FCF1: variants seen among roughly 807,000 people sequenced by gnomAD.
FCF1 encodes FCF1 rRNA-processing protein.
FCF1 carries 17 observed loss-of-function variants against 32.5 expected under a neutral mutation model. The ratio of observed to expected loss-of-function variants is 0.52; its 90% CI spans 0.36 to 0.78. FCF1 has a LOEUF of 0.78. Ranked by LOEUF, FCF1 falls within the 30% of genes least tolerant of loss-of-function variation. The pLI, the probability that FCF1 is intolerant of heterozygous loss-of-function variation, is 0.00. For synonymous variants in FCF1, 84 were observed against 78.4 expected, an observed-to-expected ratio of 1.07 and a Z score of -0.38; for missense variants, 201 against 241.1, an observed-to-expected ratio of 0.83 and a Z score of 1.10.
At chr14:74,716,352 T>C (rs2090420080) in intron 4 of FCF1, among the ~76,000 whole-genome samples, 2 of 152,208 alleles carry the variant, frequency 1.3e-5, no homozygotes, top group South Asian at 4.1e-4. Context: ...ATTTTGAACA[T>C]AGGGGAATTT....
chr14:74,716,901 A>G (rs2140019932), intron 4 of FCF1, among the ~76,000 whole-genome samples: 1 of 152,372 alleles, frequency 6.6e-6, no homozygotes, highest in African/African-American at 2.4e-5. Flanking sequence ...CTATATAATG[A>G]ACAACAGTTG....
At chr14:74,730,206 CTTTTTTTTTTT>C (rs869067896) in intron 5 of FCF1, among the ~76,000 whole-genome samples, 1,484 of 109,402 alleles carry the variant, frequency 0.014, 40 homozygotes, top group African/African-American at 0.049. Flanking sequence ...TGTGTATATG[CTTTTTTTTTTT>C]TTTTTTTTTT....
intron 4 of FCF1, among the ~76,000 whole-genome samples, chr14:74,719,357 G>A (rs147958496): frequency 7.7e-4 from 117 of 151,964 alleles, no homozygotes; most frequent in South Asian, 7.5e-3. Context: ...TCTTCACCCC[G>A]TAGTCCCAGC....
In FCF1 at chr14:74,736,156, C is replaced by G. The variant is rs1292862602; in HGVS notation, c.*1226C>G. ...AGGCATGGTGGCTCATTCCTGTAAT[C>G]CCAGCACTTTGGGAGGCCAAGGTGG... On this transcript the variant is annotated 3_prime_UTR_variant, in exon 8 of 8. Coordinates refer to ENST00000341162, the MANE Select transcript of FCF1 (RefSeq NM_015962.5). 1 of 152,210 alleles carries G rather than the reference C, an allele frequency of 6.6e-6. No homozygotes were observed. Among genetic ancestry groups the G allele is most frequent in the East Asian group, 1.9e-4 (1 of 5,178 alleles). 9.4% of individuals were successfully genotyped at this position (152,210 alleles called of 1,614,324 possible).
Position 74,713,177 on chromosome 14 carries a change from A to T in FCF1, c.-21A>T. On this transcript the variant is annotated 5_prime_UTR_variant, in exon 1 of 8. Coordinates refer to ENST00000341162, the MANE Select transcript of FCF1 (RefSeq NM_015962.5). The stretch of plus-strand genomic sequence containing the variant: ...ATTGCGCCGTTGGTGATTACGGAAG[A>T]ACCAGGAGTTTGGCGTGACCATGGT... The T allele has an allele frequency of 6.2e-7, 1 of 1,614,226 alleles. No individual in the cohort carries two copies. The highest frequency in any genetic ancestry group is 8.5e-7 in the Non-Finnish European group (1 of 1,180,040).
Position 74,736,838 on chromosome 14 carries a change from CATT to C in FCF1, c.*1911_*1913del, listed in dbSNP as rs2090712548. 6.6e-6 allele frequency: 1 copy of C among 152,022 alleles called. No individual in the cohort carries two copies. Among genetic ancestry groups the C allele is most frequent in the Admixed American group, 6.6e-5 (1 of 15,260 alleles). 9.4% of individuals were successfully genotyped at this position (152,022 alleles called of 1,614,324 possible). On this transcript the variant is annotated 3_prime_UTR_variant, in exon 8 of 8. Coordinates refer to ENST00000341162, the MANE Select transcript of FCF1 (RefSeq NM_015962.5). ...GAGATGGTCCTGCCCTCAAGACACT[CATT>C]ATGGTGGGAAAGAAAAACATGTAAA... is the stretch of plus-strand genomic sequence containing the variant.
rs147049900 is a variant in FCF1 at position 74,736,750 on chromosome 14, G to A, written c.*1820G>A. On this transcript the variant is annotated 3_prime_UTR_variant, in exon 8 of 8. Transcript: ENST00000341162. ...TGATGATTGCTCACATAATTTGGCG[G>A]TCATTGTTTTATACTGACTTACTCA... The A allele has an allele frequency of 2.8e-4, 42 of 152,118 alleles. No individual in the cohort carries two copies. The highest frequency in any genetic ancestry group is 9.2e-4 in the African/African-American group (38 of 41,492). The allele number at this position is 152,118 out of a possible 1,614,324, so 9.4% of individuals were successfully genotyped here.
intron 5 of FCF1, among the ~76,000 whole-genome samples, chr14:74,732,285 T>C (rs750290286): frequency 2.0e-5 from 3 of 152,330 alleles, no homozygotes; most frequent in Admixed American, 6.5e-5. Flanking sequence ...GGTTTAACTT[T>C]TACCTTTCTA....
intron 4 of FCF1, among the ~76,000 whole-genome samples, chr14:74,717,876 T>A (rs1253620442): frequency 6.6e-6 from 1 of 152,156 alleles, no homozygotes; most frequent in Non-Finnish European, 1.5e-5. Context: ...TCTTTAAATA[T>A]GTATACTTTT....
chr14:74,713,222 A>T, intron 1 of FCF1, 22 bp downstream of exon 1: 1 of 1,614,240 alleles, frequency 6.2e-7, no homozygotes, highest in Admixed American at 1.7e-5. Context: ...CGGTCCAAGA[A>T]GGGACGTTAT....
intron 4 of FCF1, among the ~76,000 whole-genome samples, chr14:74,720,948 A>G (rs1234246116): frequency 6.8e-6 from 1 of 146,326 alleles, no homozygotes; most frequent in African/African-American, 2.5e-5. Context: ...GTGTAATCTC[A>G]GCTCACTACA....
rs112913112 is a variant in FCF1 at position 74,716,036 on chromosome 14, A to C, written c.229A>C (p.Asn77His). The change falls in exon 4 of 8, where the codon AAC (asparagine) becomes CAC (histidine). Residue 77 changes from asparagine to histidine, a missense_variant. Physicochemically the swap from Asn to His is moderately conservative, Grantham distance 68 (BLOSUM62 1). Transcript: ENST00000341162. ...CATCCTCGTTGATACCAACTTTATC[A>C]ACTTTTCCATAAAAGCCAAACTGGA... is the stretch of plus-strand genomic sequence containing the variant. Reference protein sequence around the residue: ...YHILVDTNFINFSIKAKLDLV... With the variant: ...YHILVDTNFIHFSIKAKLDLV... The C allele has an allele frequency of 5.0e-6, 8 of 1,613,910 alleles. No homozygotes were observed. The Admixed American group carries it at 1.3e-4, about 27-fold the overall frequency.
chr14:74,719,387 G>A (rs1379134687), intron 4 of FCF1, among the ~76,000 whole-genome samples: 3 of 151,842 alleles, frequency 2.0e-5, no homozygotes, highest in African/African-American at 7.3e-5. Context: ...GGCCGAGGTG[G>A]GAGGAGTTCT....
intron 4 of FCF1, among the ~76,000 whole-genome samples, chr14:74,720,875 G>GTTTTTT (rs1259312948): frequency 7.2e-6 from 1 of 139,142 alleles, no homozygotes; most frequent in African/African-American, 2.9e-5. Context: ...AGTTTTTGGG[G>GTTTTTT]TTTGTTTTTT....
rs1198517236 is a variant in FCF1, at chr14:74,715,952, C to T, written c.145C>T (p.Pro49Ser). The T allele has an allele frequency of 3.1e-6, 5 of 1,613,574 alleles. No homozygotes were observed. The highest frequency in any genetic ancestry group is 2.2e-5 in the East Asian group (1 of 44,862). ...GTTCTTGTTTTCTTTTTCCTTCAGTCCCCAACACCCTTCCTGCTTATTTTT... is the reference window on the plus strand; with the variant it reads ...GTTCTTGTTTTCTTTTTCCTTCAGTTCCCAACACCCTTCCTGCTTATTTTT... ...DPSALKEREV[P>S]QHPSCLFFQY... The change falls in exon 4 of 8, where the codon CCC (proline) becomes TCC (serine). Residue 49 changes from proline to serine, a missense_variant and splice_region_variant. Coordinates refer to ENST00000341162, the MANE Select transcript of FCF1 (RefSeq NM_015962.5).
Position 74,715,052 on chromosome 14 carries a change from C to T in FCF1, c.143+109C>T, listed in dbSNP as rs920923400. 11 of 1,118,642 alleles carry T rather than the reference C, an allele frequency of 9.8e-6. No homozygotes were observed. The Admixed American group carries it at 2.0e-4, about 20-fold the overall frequency. The allele number at this position is 1,118,642 out of a possible 1,614,324, so 69.3% of individuals were successfully genotyped here. ...TTATTTGTTAGTAAGTCTAGCACAA[C>T]TATGTAGATGAAAGTCATATCGATG... On this transcript the variant is annotated intron_variant, in intron 3 of 7. Transcript: ENST00000341162.
chr14:74,716,118 T>C lies in FCF1; in HGVS notation c.292+19T>C, dbSNP rs763710496. On this transcript the variant is annotated intron_variant, in intron 4 of 7. Transcript: ENST00000341162. ...GCCAAGTGTGAGTATCATACTTTTATGTTTCCGTGACATTTGTTCAGAATA... is the reference window on the plus strand; with the variant it reads ...GCCAAGTGTGAGTATCATACTTTTACGTTTCCGTGACATTTGTTCAGAATA... 1 of 1,608,334 alleles carries C rather than the reference T, an allele frequency of 6.2e-7. No individual in the cohort carries two copies. Among genetic ancestry groups the C allele is most frequent in the South Asian group, 1.1e-5 (1 of 90,852 alleles).
At chr14:74,713,581 A>G in intron 2 of FCF1, 29 bp downstream of exon 2, 1 of 1,580,962 alleles carries the variant, frequency 6.3e-7, no homozygotes, top group Non-Finnish European at 8.7e-7. Flanking sequence ...CTGCCCAGGG[A>G]TATTCTAATA....
intron 5 of FCF1, among the ~76,000 whole-genome samples, chr14:74,726,257 CAGG>C (rs1343895463): frequency 6.6e-6 from 1 of 151,458 alleles, no homozygotes; most frequent in Non-Finnish European, 1.5e-5. Flanking sequence ...GAGCCCGAAG[CAGG>C]AGGATTCCTT....
Sources: allele counts gnomAD v4.1 joint callset (sites outside exome capture counted in the v4.1 genomes callset), GRCh38; gene constraint gnomAD v4.1.1; transcripts MANE v1.5; gene names NCBI Gene and HGNC (gene_info 2026-07-23, HGNC 2026-07-21).